Variants in CEP295 observed in about 807,000 individuals in gnomAD.
CEP295 encodes centrosomal protein of 295 kDa.
CEP295 carries 190 observed loss-of-function variants against 291.6 expected under a neutral mutation model. The ratio of observed to expected loss-of-function variants is 0.65; its 90% confidence interval spans 0.58 to 0.73. The LOEUF (loss-of-function observed/expected upper bound fraction) is 0.73, where lower values mean the gene tolerates loss of function less well. Ranked by LOEUF, CEP295 falls within the 30% of genes least tolerant of loss-of-function variation. CEP295 has a pLI of 0.00. For missense variants in CEP295, 2,863 were observed against 2,949.4 expected (o/e 0.97, Z 0.68); for synonymous variants, 993 against 1,038.8 (o/e 0.96, Z 0.85).
Position 93,697,000 on chromosome 11 carries a change from A to G in CEP295, c.2088A>G (p.Ser696=), listed in dbSNP as rs1951876298. ...AAACAACAGAAACATTACGCGCTTCAGATATTTTAACCAATCAAGCTTTAG... is the reference window on the plus strand; with the variant it reads ...AAACAACAGAAACATTACGCGCTTCGGATATTTTAACCAATCAAGCTTTAG... ...QVETTETLRA[S]DILTNQALES... Residue 696 remains serine (S), a synonymous_variant, in exon 15 of 30, where the codon TCA becomes TCG. Coordinates refer to ENST00000325212, the MANE Select transcript of CEP295 (RefSeq NM_033395.2). 2 of 1,551,556 alleles carry G rather than the reference A, an allele frequency of 1.3e-6. No individual in the cohort carries two copies. The highest frequency in any genetic ancestry group is 1.2e-5 in the South Asian group (1 of 84,068).
intron 10 of CEP295, 61 bp downstream of exon 10, chr11:93,687,926 C>A: frequency 1.6e-6 from 2 of 1,241,744 alleles, no homozygotes; most frequent in South Asian, 1.6e-5. Context: ...AAAGTAGGTT[C>A]GTTTCTGAAA....
Position 93,725,736 on chromosome 11 carries a change from T to C in CEP295, c.6404T>C (p.Met2135Thr). ...TTCACAGCACTGAGGAGGACCAGCA[T>C]GCATTCTTCTCTTAACACAAGTCCG... The part of the protein sequence containing the change: ...VYFTALRRTS[M>T]HSSLNTSPNQ... The change falls in exon 23 of 30, where the codon ATG (methionine) becomes ACG (threonine). Residue 2135 changes from methionine (M) to threonine (T), a missense_variant. Physicochemically the swap from Met to Thr is moderately conservative, Grantham distance 81. Transcript: ENST00000325212. 1.9e-6 allele frequency: 3 copies of C among 1,551,816 alleles called. No individual in the cohort carries two copies. Among genetic ancestry groups the C allele is most frequent in the Non-Finnish European group, 8.7e-7 (1 of 1,146,944 alleles).
chr11:93,698,874 G>C lies in CEP295; in HGVS notation c.3962G>C (p.Ser1321Thr). 2 of 1,551,674 alleles carry C rather than the reference G, an allele frequency of 1.3e-6. No homozygotes were observed. The highest frequency in any genetic ancestry group is 8.7e-7 in the Non-Finnish European group (1 of 1,146,980). The change falls in exon 15 of 30, where the codon AGT becomes ACT. Residue 1321 changes from serine (S) to threonine (T), a missense_variant. Ser to Thr is a moderately conservative substitution (Grantham distance 58). This residue lies in a region of CEP295 where 2,295 missense variants were observed against 2,335.7 expected (regional missense o/e 0.98). Coordinates refer to ENST00000325212, the MANE Select transcript of CEP295 (RefSeq NM_033395.2). Reference protein sequence around the residue: ...ILEPLFTESESKIFSSHLQIP... With the variant: ...ILEPLFTESETKIFSSHLQIP... The stretch of plus-strand genomic sequence containing the variant: ...GAACCTCTTTTTACAGAGAGTGAAA[G>C]TAAAATTTTTTCAAGCCACCTTCAG...
Position 93,700,114 on chromosome 11 carries a change from G to T in CEP295, c.5202G>T (p.Gln1734His). 2 of 1,551,646 alleles carry T rather than the reference G, an allele frequency of 1.3e-6. No homozygotes were observed. The highest frequency in any genetic ancestry group is 1.7e-6 in the Non-Finnish European group (2 of 1,146,920). Residue 1734 changes from glutamine to histidine, a missense_variant, in exon 15 of 30, where the codon CAG (glutamine) becomes CAT (histidine). This residue lies in a region of CEP295 where 2,295 missense variants were observed against 2,335.7 expected (regional missense o/e 0.98). Coordinates refer to ENST00000325212, the MANE Select transcript of CEP295 (RefSeq NM_033395.2). ...AAGCCCAGGAAAAATTGCTTGTACA[G>T]AGACAAACAGCATTGCAGCAGCAGA... ...SQKAQEKLLV[Q>H]RQTALQQQIQ...
At position 93,716,028 on chromosome 11, in the gene CEP295, A is replaced by T. The variant is rs7946396; in HGVS notation, c.5750-5284A>T. ...GTCATGTGACCCCTCCAAGTCTACA[A>T]GCTCTGAGCCCAGCACAGCACTAGG... On this transcript the variant is annotated intron_variant, in intron 18 of 29. Transcript: ENST00000325212. Among the ~76,000 whole-genome samples, 134 of 152,166 alleles carry T rather than the reference A, an allele frequency of 8.8e-4. 1 individual carries two copies. The highest frequency in any genetic ancestry group is 3.1e-3 in the African/African-American group (128 of 41,542).
In CEP295 at chr11:93,699,935, C is replaced by A. The variant is rs1028723490; in HGVS notation, c.5023C>A (p.Gln1675Lys). Residue 1675 changes from glutamine to lysine, a missense_variant, in exon 15 of 30, where the codon CAG becomes AAG. Physicochemically the swap from Gln to Lys is moderately conservative, Grantham distance 53 (BLOSUM62 1). Coordinates refer to ENST00000325212, the MANE Select transcript of CEP295 (RefSeq NM_033395.2). ...PKSTCELYSS[Q>K]NEHAAPPSNP... is the part of the protein sequence containing the mutation. ...AAGCACTTGTGAATTGTATTCATCC[C>A]AGAATGAACATGCAGCCCCCCCAAG... 2 of 1,551,708 alleles carry A rather than the reference C, an allele frequency of 1.3e-6. No individual in the cohort carries two copies. The highest frequency in any genetic ancestry group is 1.7e-6 in the Non-Finnish European group (2 of 1,146,984).
At chr11:93,706,936 A>G (rs1369715644) in intron 18 of CEP295, 39 bp downstream of exon 18, 2 of 1,437,204 alleles carry the variant, frequency 1.4e-6, no homozygotes, top group Non-Finnish European at 9.3e-7. Context: ...ATGCACAAGG[A>G]TATGTGGACA....
rs1410070801 is a variant in CEP295 at position 93,699,497 on chromosome 11, T to C, written c.4585T>C (p.Leu1529=). Residue 1529 remains leucine (L), a synonymous_variant, in exon 15 of 30, where the codon TTG becomes CTG. Transcript: ENST00000325212. ...ATCTATACAGGAAGTCCAAGAAGAA[T>C]TGCTTTTGCAAAGATTAAGTGAATT... ...IRSIQEVQEE[L]LLQRLSELEK... 6.4e-7 allele frequency: 1 copy of C among 1,551,672 alleles called. No homozygotes were observed. Among genetic ancestry groups the C allele is most frequent in the Non-Finnish European group, 8.7e-7 (1 of 1,147,028 alleles).
intron 15 of CEP295, among the ~76,000 whole-genome samples, chr11:93,701,764 C>G (rs1051990151): frequency 4.6e-5 from 7 of 151,760 alleles, no homozygotes; most frequent in African/African-American, 1.2e-4. Context: ...CCACCATGCC[C>G]AGCTAACTTT....
chr11:93,670,163 G>T (rs1326502003), intron 5 of CEP295, among the ~76,000 whole-genome samples: 1 of 151,898 alleles, frequency 6.6e-6, no homozygotes, highest in Non-Finnish European at 1.5e-5. Flanking sequence ...TTTATTGGGG[G>T]AAAAAACTAA....
At chr11:93,713,750 T>C (rs1479808323) in intron 18 of CEP295, among the ~76,000 whole-genome samples, 2 of 152,200 alleles carry the variant, frequency 1.3e-5, no homozygotes, top group Non-Finnish European at 2.9e-5. Flanking sequence ...TTGAACAAAC[T>C]CTATCCCTGT....
At chr11:93,679,856 G>C (rs1950878953) in intron 7 of CEP295, among the ~76,000 whole-genome samples, 1 of 152,150 alleles carries the variant, frequency 6.6e-6, no homozygotes, top group Non-Finnish European at 1.5e-5. Context: ...TATTTCAATA[G>C]CATATGTGCT....
In CEP295 at chr11:93,699,368, T is replaced by C. The variant is rs1458618262; in HGVS notation, c.4456T>C (p.Cys1486Arg). 3 of 1,551,834 alleles carry C rather than the reference T, an allele frequency of 1.9e-6. No homozygotes were observed. The highest frequency in any genetic ancestry group is 2.6e-6 in the Non-Finnish European group (3 of 1,146,976). The change falls in exon 15 of 30, where the codon TGT (cysteine) becomes CGT (arginine). Residue 1486 changes from cysteine to arginine, a missense_variant. Physicochemically the swap from Cys to Arg is radical, Grantham distance 180 (BLOSUM62 -3). This residue lies in a region of CEP295 where 2,295 missense variants were observed against 2,335.7 expected (regional missense o/e 0.98). Coordinates refer to ENST00000325212, the MANE Select transcript of CEP295 (RefSeq NM_033395.2). ...GAAAGAATTGGTTTTGTCAAAACCA[T>C]GTAAATTTGAGGAAAAGGTATCTTC... ...TQKELVLSKP[C>R]KFEEKVSSEH...
chr11:93,673,793 G>A (rs912472580), intron 5 of CEP295, among the ~76,000 whole-genome samples: 7 of 151,416 alleles, frequency 4.6e-5, no homozygotes, highest in South Asian at 2.1e-4. Context: ...ACGCCTGGCC[G>A]CAGCTTTTTA....
rs1407015223 is a variant in CEP295 at position 93,729,756 on chromosome 11, AAC to A, written c.7544_7545del (p.Thr2515SerfsTer2). 1.3e-6 allele frequency: 2 copies of A among 1,548,680 alleles called. No individual in the cohort carries two copies. The highest frequency in any genetic ancestry group is 1.2e-5 in the South Asian group (1 of 83,732). On this transcript the variant is annotated frameshift_variant, in exon 27 of 30. Transcript: ENST00000325212. LOFTEE classifies it high-confidence loss of function. ...IHVSENSQIK[T>X]VKEKPSISSS... ...ATGTCTCTGAAAATTCTCAAATCAA[AAC>A]AGTTAAAGAGAAACCATCTATAAGT...
At chr11:93,702,412 C>T (rs1446386706) in intron 15 of CEP295, 48 bp from the exon 16 acceptor site, 6 of 1,294,878 alleles carry the variant, frequency 4.6e-6, no homozygotes, top group East Asian at 2.6e-5. Flanking sequence ...TAATGCTTCA[C>T]ATGATCCCCC....
At chr11:93,678,733 G>A (rs10831089) in intron 6 of CEP295, among the ~76,000 whole-genome samples, 62,032 of 151,888 alleles carry the variant, frequency 0.41, 13,695 homozygotes, top group Admixed American at 0.49. Context: ...GGTCAACATA[G>A]CAAGACCCAT....
At position 93,729,733 on chromosome 11, in the gene CEP295, G is replaced by C; in HGVS notation, c.7519G>C (p.Val2507Leu). The change falls in exon 27 of 30, where the codon GTC (valine) becomes CTC (leucine). Residue 2507 changes from valine (V) to leucine (L), a missense_variant. By Grantham distance (32) the Val-to-Leu change is conservative. Around this residue, in one of 3 missense-constraint regions of CEP295, gnomAD observed 2,295 missense variants for 2,335.7 expected, o/e 0.98. Transcript: ENST00000325212. The part of the protein sequence containing the change: ...RQKEIRNKIH[V>L]SENSQIKTVK... ...GAAAGAAATAAGGAATAAAATTCAT[G>C]TCTCTGAAAATTCTCAAATCAAAAC... is the stretch of plus-strand genomic sequence containing the variant. 1 of 1,549,746 alleles carries C rather than the reference G, an allele frequency of 6.5e-7. No individual in the cohort carries two copies.
intron 18 of CEP295, 70 bp from the exon 19 acceptor site, chr11:93,721,242 C>A (rs1953691013): frequency 9.3e-6 from 8 of 859,806 alleles, no homozygotes; most frequent in Non-Finnish European, 1.5e-5. Context: ...TCCTGTGGTG[C>A]TAAGAATTTG....
Sources: allele counts gnomAD v4.1 joint callset (sites outside exome capture counted in the v4.1 genomes callset), GRCh38; gene constraint gnomAD v4.1.1; regional missense constraint gnomAD v4.1.1; transcripts MANE v1.5; gene names NCBI Gene and HGNC (gene_info 2026-07-23, HGNC 2026-07-21).